WDR55: variants seen among roughly 807,000 people sequenced by gnomAD.
WDR55 encodes the protein WD repeat-containing protein 55.
Under a neutral mutation model 34.0 loss-of-function variants are expected in WDR55, and 31 were observed. That is an observed-to-expected ratio of 0.91 (90% CI 0.69 to 1.23). WDR55 has a LOEUF of 1.23. Among genes scored for constraint, WDR55 ranks in the 50% most tolerant of loss-of-function variants. WDR55 has a pLI of 0.00. For synonymous variants in WDR55, 164 were observed against 185.9 expected, an observed-to-expected ratio of 0.88 and a Z score of 0.96; for missense variants, 440 against 494.6, an observed-to-expected ratio of 0.89 and a Z score of 1.05.
chr5:140,669,148 G>T lies in WDR55; in HGVS notation c.730G>T (p.Ala244Ser). Reference sequence around the variant, plus strand: ...CCTCTTCAATTGGAATGGCTTTGGGGCCACAAGTGACCGCTTTGCCCTGAG... The same window carrying T: ...CCTCTTCAATTGGAATGGCTTTGGGTCCACAAGTGACCGCTTTGCCCTGAG... ...IYLFNWNGFG[A>S]TSDRFALRAE... The change falls in exon 6 of 7, where the codon GCC becomes TCC. Residue 244 changes from alanine (A) to serine (S), a missense_variant. Ala to Ser is a moderately conservative substitution (Grantham distance 99, BLOSUM62 1). Transcript: ENST00000358337. 6.2e-7 allele frequency: 1 copy of T among 1,614,170 alleles called. No individual in the cohort carries two copies. Among genetic ancestry groups the T allele is most frequent in the East Asian group, 2.2e-5 (1 of 44,886 alleles).
chr5:140,668,456 G>A lies in WDR55; in HGVS notation c.334G>A (p.Asp112Asn), dbSNP rs777057228. 4 of 1,614,224 alleles carry A rather than the reference G, an allele frequency of 2.5e-6. No homozygotes were observed. Among genetic ancestry groups the A allele is most frequent in the Admixed American group, 3.3e-5 (2 of 60,028 alleles). Residue 112 changes from aspartate (D) to asparagine (N), a missense_variant, in exon 3 of 7, where the codon GAT becomes AAT. Asp to Asn is a conservative substitution (Grantham distance 23, BLOSUM62 1). Transcript: ENST00000358337. ...CAAGGACAAAGCCATCCATGTTCTA[G>A]ATGTGGAGCAGGGCCAACTGGAAAG... The part of the protein sequence containing the change: ...VSKDKAIHVL[D>N]VEQGQLERRV...
Position 140,669,756 on chromosome 5 carries a change from G to A in WDR55, c.*102G>A. On this transcript the variant is annotated 3_prime_UTR_variant, in exon 7 of 7. Transcript: ENST00000358337. ...ATGAATTATTTTTTGAAAAGACAGG[G>A]TTTTGCCATCGTCCAGGCTGGAGTG... 2 of 1,263,050 alleles carry A rather than the reference G, an allele frequency of 1.6e-6. No individual in the cohort carries two copies. Among genetic ancestry groups the A allele is most frequent in the Non-Finnish European group, 2.2e-6 (2 of 921,952 alleles). The allele number at this position is 1,263,050 out of a possible 1,614,324, so 78.2% of individuals were successfully genotyped here. A position where few individuals can be genotyped will look rare whatever the true frequency, so the allele number is the denominator to read the frequency against.
In WDR55 at chr5:140,668,892, G is replaced by T. The variant is rs769539023; in HGVS notation, c.562G>T (p.Gly188Trp). Residue 188 changes from glycine (G) to tryptophan (W), a missense_variant and splice_region_variant, in exon 5 of 7, where the codon GGG becomes TGG. Coordinates refer to ENST00000358337, the MANE Select transcript of WDR55 (RefSeq NM_017706.5). ...PAKKLLLTAS[G>W]DGCLGIFNIK... ...AGCCTACTGCTCTACTCTCTACAGC[G>T]GGGATGGCTGCCTTGGCATCTTCAA... 2 of 1,614,182 alleles carry T rather than the reference G, an allele frequency of 1.2e-6. No individual in the cohort carries two copies. Among genetic ancestry groups the T allele is most frequent in the South Asian group, 2.2e-5 (2 of 91,084 alleles).
rs200881271 is a variant in WDR55 at position 140,670,203 on chromosome 5, AT to A, written c.*558del. The A allele has an allele frequency of 7.4e-5, 11 of 147,994 alleles. No homozygotes were observed. Among genetic ancestry groups the A allele is most frequent in the South Asian group, 2.1e-4 (1 of 4,704 alleles). The allele number at this position is 147,994 out of a possible 1,614,324, so 9.2% of individuals were successfully genotyped here. The stretch of plus-strand genomic sequence containing the variant: ...CCACCATGCTTGACTAATTTTTGTG[AT>A]TTTTTTTTGGTAGAGACCAGGGGTT... On this transcript the variant is annotated 3_prime_UTR_variant, in exon 7 of 7. Coordinates refer to ENST00000358337, the MANE Select transcript of WDR55 (RefSeq NM_017706.5).
In WDR55 at chr5:140,671,898, C is replaced by T; in HGVS notation, c.*2244C>T. On this transcript the variant is annotated 3_prime_UTR_variant, in exon 7 of 7. Transcript: ENST00000358337. ...CATGGGTAAGAAAAGACAATGAAGCCTTCAGCCTCCATTATTTGCAAAGGG... is the reference window on the plus strand; with the variant it reads ...CATGGGTAAGAAAAGACAATGAAGCTTTCAGCCTCCATTATTTGCAAAGGG... 2 of 866,536 alleles carry T rather than the reference C, an allele frequency of 2.3e-6. No homozygotes were observed. The highest frequency in any genetic ancestry group is 1.7e-5 in the African/African-American group (1 of 59,762). 53.7% of individuals were successfully genotyped at this position (866,536 alleles called of 1,614,324 possible).
Position 140,670,071 on chromosome 5 carries a change from C to T in WDR55, c.*417C>T, listed in dbSNP as rs1278559012. 5.6e-6 allele frequency: 1 copy of T among 179,864 alleles called. No homozygotes were observed. Among genetic ancestry groups the T allele is most frequent in the Non-Finnish European group, 1.2e-5 (1 of 84,716 alleles). The allele number at this position is 179,864 out of a possible 1,614,324, so 11.1% of individuals were successfully genotyped here. A position where few individuals can be genotyped will look rare whatever the true frequency, so the allele number is the denominator to read the frequency against. ...TTGAGACAAGGTCTCACTCTGTCAC[C>T]CAGGCTGGAGTACAGTGGGTTGATC... On this transcript the variant is annotated 3_prime_UTR_variant, in exon 7 of 7. Coordinates refer to ENST00000358337, the MANE Select transcript of WDR55 (RefSeq NM_017706.5).
chr5:140,669,313 A>C lies in WDR55; in HGVS notation c.831-20A>C, dbSNP rs756105809. The C allele has an allele frequency of 3.1e-6, 5 of 1,610,956 alleles. No individual in the cohort carries two copies. The highest frequency in any genetic ancestry group is 2.7e-5 in the African/African-American group (2 of 74,776). On this transcript the variant is annotated intron_variant, in intron 6 of 6. Transcript: ENST00000358337. Reference sequence around the variant, plus strand: ...CAGACCCAGCTAGCCAGTACTCAACACTGTTCTTTCCCTGCCCAGGGCTGT... The same window carrying C: ...CAGACCCAGCTAGCCAGTACTCAACCCTGTTCTTTCCCTGCCCAGGGCTGT...
chr5:140,668,592 T>C lies in WDR55; in HGVS notation c.381-20T>C. On this transcript the variant is annotated intron_variant, in intron 3 of 6. Coordinates refer to ENST00000358337, the MANE Select transcript of WDR55 (RefSeq NM_017706.5). ...ACTGGGACAGAGATGCTCCAAGAAGTTCTACATCTGTGTCTCTAGTGCCCC... is the reference window on the plus strand; with the variant it reads ...ACTGGGACAGAGATGCTCCAAGAAGCTCTACATCTGTGTCTCTAGTGCCCC... 6.2e-7 allele frequency: 1 copy of C among 1,611,666 alleles called. No homozygotes were observed. The highest frequency in any genetic ancestry group is 1.1e-5 in the South Asian group (1 of 90,750).
Position 140,670,345 on chromosome 5 carries a change from ATT to A in WDR55, c.*710_*711del, listed in dbSNP as rs1278137395. On this transcript the variant is annotated 3_prime_UTR_variant, in exon 7 of 7. Transcript: ENST00000358337. ...GCCACTGTGCCTGGCTGGATATGAA[ATT>A]TTTTTTTTTTTTTTTTTTGAGACAG... 4.6e-4 allele frequency: 60 copies of A among 131,542 alleles called. No individual in the cohort carries two copies. The highest frequency in any genetic ancestry group is 4.2e-4 in the Non-Finnish European group (26 of 62,022). 8.1% of individuals were successfully genotyped at this position (131,542 alleles called of 1,614,324 possible).
chr5:140,666,602 C>T, intron 1 of WDR55: 1 of 985,072 alleles, frequency 1.0e-6, no homozygotes, highest in Non-Finnish European at 1.2e-6. Context: ...GGTTGGTAAC[C>T]ATATGTCCAT....
rs1392839879 is a variant in WDR55, at chr5:140,671,802, T to A, written c.*2148T>A. On this transcript the variant is annotated 3_prime_UTR_variant, in exon 7 of 7. Transcript: ENST00000358337. ...CAGGTCTAAACCCTGGGCCCAAGCC[T>A]CCAGGTGGTGAGCCCTTTGGAGCTA... 2 of 1,543,526 alleles carry A rather than the reference T, an allele frequency of 1.3e-6. No individual in the cohort carries two copies. The highest frequency in any genetic ancestry group is 2.4e-5 in the South Asian group (2 of 83,818).
intron 1 of WDR55, chr5:140,666,646 A>G (rs1261867621): frequency 8.1e-6 from 8 of 984,414 alleles, no homozygotes; most frequent in Non-Finnish European, 9.6e-6. Flanking sequence ...CTCCTTCACT[A>G]ATGTTTTTCA....
rs1400717168 is a variant in WDR55, at chr5:140,672,254, A to T, written c.*2600A>T. On this transcript the variant is annotated 3_prime_UTR_variant, in exon 7 of 7. Coordinates refer to ENST00000358337, the MANE Select transcript of WDR55 (RefSeq NM_017706.5). ...ATTAAGTCAGGAGGTAATGCTCGGG[A>T]AGTGTCACAAATTTAGGTAAGCGGT... 1 of 639,928 alleles carries T rather than the reference A, an allele frequency of 1.6e-6. No individual in the cohort carries two copies. The highest frequency in any genetic ancestry group is 2.7e-6 in the Non-Finnish European group (1 of 372,710). 39.6% of individuals were successfully genotyped at this position (639,928 alleles called of 1,614,324 possible).
rs1758088747 is a variant in WDR55, at chr5:140,671,963, G to A, written c.*2309G>A. ...CTACCTTACAAGTTTCCTTGGAGAA[G>A]TACTGGTTAATTGCAGGCTTTGTCT... On this transcript the variant is annotated 3_prime_UTR_variant, in exon 7 of 7. Coordinates refer to ENST00000358337, the MANE Select transcript of WDR55 (RefSeq NM_017706.5). 3 of 623,270 alleles carry A rather than the reference G, an allele frequency of 4.8e-6. No homozygotes were observed. Among genetic ancestry groups the A allele is most frequent in the Non-Finnish European group, 8.4e-6 (3 of 355,722 alleles). The allele number at this position is 623,270 out of a possible 1,614,324, so 38.6% of individuals were successfully genotyped here.
In WDR55 at chr5:140,665,026, AGCTCCG is replaced by A; in HGVS notation, c.118_123del (p.Pro40_Ala41del). Reference sequence around the variant, plus strand: ...ACACTCCGGAAGACATCGTGCTGGAAGCTCCGGCTAGTGGGCTGGCGTTCCATCCGG... The same window carrying A: ...ACACTCCGGAAGACATCGTGCTGGAAGCTAGTGGGCTGGCGTTCCATCCGG... On this transcript the variant is annotated inframe_deletion, in exon 1 of 7. Coordinates refer to ENST00000358337, the MANE Select transcript of WDR55 (RefSeq NM_017706.5). 2 of 1,613,936 alleles carry A rather than the reference AGCTCCG, an allele frequency of 1.2e-6. No homozygotes were observed. Among genetic ancestry groups the A allele is most frequent in the Non-Finnish European group, 1.7e-6 (2 of 1,179,902 alleles).
chr5:140,668,380 T>C (rs749126482), intron 2 of WDR55, 35 bp from the exon 3 acceptor site: 18 of 1,614,050 alleles, frequency 1.1e-5, no homozygotes, highest in Non-Finnish European at 1.2e-5. Flanking sequence ...AAGGGAGCAG[T>C]GAGCAGCACC....
At position 140,669,934 on chromosome 5, in the gene WDR55, G is replaced by A. The variant is rs1474446907; in HGVS notation, c.*280G>A. On this transcript the variant is annotated 3_prime_UTR_variant, in exon 7 of 7. Transcript: ENST00000358337. ...TTTTTGGTAGAAACGGGTCTGTTTTGCCCAGGCTGGTCTTCAACTCCTGGA... is the reference window on the plus strand; with the variant it reads ...TTTTTGGTAGAAACGGGTCTGTTTTACCCAGGCTGGTCTTCAACTCCTGGA... 3.2e-6 allele frequency: 1 copy of A among 310,334 alleles called. No homozygotes were observed. 19.2% of individuals were successfully genotyped at this position (310,334 alleles called of 1,614,324 possible).
In WDR55 at chr5:140,668,730, C is replaced by T. The variant is rs752902843; in HGVS notation, c.499C>T (p.His167Tyr). ...GGGCCCCTTAATGGATATGAGGCAA[C>T]ATGAAGAGTACATCGCAGACATGGC... Reference protein sequence around the residue: ...KEGPLMDMRQHEEYIADMALD... With the variant: ...KEGPLMDMRQYEEYIADMALD... Residue 167 changes from histidine to tyrosine, a missense_variant, in exon 4 of 7, where the codon CAT (histidine) becomes TAT (tyrosine). Physicochemically the swap from His to Tyr is moderately conservative, Grantham distance 83. Coordinates refer to ENST00000358337, the MANE Select transcript of WDR55 (RefSeq NM_017706.5). 14 of 1,614,102 alleles carry T rather than the reference C, an allele frequency of 8.7e-6. No individual in the cohort carries two copies. The highest frequency in any genetic ancestry group is 1.2e-5 in the Non-Finnish European group (14 of 1,180,054).
chr5:140,669,913 T>G lies in WDR55; in HGVS notation c.*259T>G, dbSNP rs1298713071. 2.6e-6 allele frequency: 1 copy of G among 388,718 alleles called. No individual in the cohort carries two copies. Among genetic ancestry groups the G allele is most frequent in the Non-Finnish European group, 4.7e-6 (1 of 214,748 alleles). 24.1% of individuals were successfully genotyped at this position (388,718 alleles called of 1,614,324 possible). ...CAGGCCAATTTTTGTTTTTTTTTTT[T>G]GGTAGAAACGGGTCTGTTTTGCCCA... On this transcript the variant is annotated 3_prime_UTR_variant, in exon 7 of 7. Coordinates refer to ENST00000358337, the MANE Select transcript of WDR55 (RefSeq NM_017706.5).
Sources: gnomAD v4.1 joint callset for allele counts on GRCh38, gnomAD v4.1.1 for gene constraint, MANE v1.5 for transcripts, NCBI Gene and HGNC (gene_info 2026-07-23, HGNC 2026-07-21) for gene names.